Variants in ANKS1B observed in about 807,000 individuals in gnomAD.
The protein encoded by ANKS1B is ankyrin repeat and sterile alpha motif domain-containing protein 1B.
Under a neutral mutation model 148.3 loss-of-function variants are expected in ANKS1B, and 36 were observed. The ratio of observed to expected loss-of-function variants is 0.24; its 90% CI spans 0.19 to 0.32. ANKS1B has a LOEUF of 0.32. Ranked by LOEUF, ANKS1B falls within the 10% of genes least tolerant of loss-of-function variation. The pLI is 1.00. For synonymous variants in ANKS1B, 542 were observed against 560.8 expected (o/e 0.97, Z 0.47); for missense variants, 1,157 against 1,542.6 (o/e 0.75, Z 4.19).
chr12:99,923,020 G>A (rs920247906), intron 1 of ANKS1B, among the ~76,000 whole-genome samples: 1 of 152,070 alleles, frequency 6.6e-6, no homozygotes, highest in Admixed American at 6.6e-5. Context: ...CTAAGACAAT[G>A]TATTATAACA....
At chr12:99,387,605 A>T (rs1211944798) in intron 12 of ANKS1B, among the ~76,000 whole-genome samples, 1 of 146,612 alleles carries the variant, frequency 6.8e-6, no homozygotes, top group Admixed American at 6.7e-5. Flanking sequence ...CAAAAAAAAA[A>T]GAAGAAGAAG....
rs2096689875 is a variant in ANKS1B at position 99,504,762 on chromosome 12, T to G, written c.1273-121A>C. The G allele has an allele frequency of 2.0e-5, 14 of 684,156 alleles. No homozygotes were observed. In the East Asian group the frequency reaches 4.0e-4, roughly 20 times the overall value. 42.4% of individuals were successfully genotyped at this position (684,156 alleles called of 1,614,324 possible). ...TTCCAAAGTGATTGACAGCTGATGATTCATCTGTTTGAATAAATTATAGAA... is the reference window on the plus strand; with the variant it reads ...TTCCAAAGTGATTGACAGCTGATGAGTCATCTGTTTGAATAAATTATAGAA... On this transcript the variant is annotated intron_variant, in intron 9 of 26. Coordinates refer to ENST00000683438, the MANE Select transcript of ANKS1B (RefSeq NM_001352186.2).
At chr12:99,670,972 C>A (rs2098535251) in intron 8 of ANKS1B, among the ~76,000 whole-genome samples, 1 of 152,120 alleles carries the variant, frequency 6.6e-6, no homozygotes, top group South Asian at 2.1e-4. Flanking sequence ...AGTCAAGGCA[C>A]AATTTTCTAC....
intron 15 of ANKS1B, among the ~76,000 whole-genome samples, chr12:99,095,458 C>T (rs1255050753): frequency 6.6e-6 from 1 of 152,204 alleles, no homozygotes; most frequent in African/African-American, 2.4e-5. Flanking sequence ...CTAAACAGTT[C>T]AGAGAAGGTG....
At chr12:99,799,270 G>GC (rs1355581000) in intron 4 of ANKS1B, among the ~76,000 whole-genome samples, 1 of 151,972 alleles carries the variant, frequency 6.6e-6, no homozygotes, top group African/African-American at 2.4e-5. Flanking sequence ...TCTTTAATCA[G>GC]CCTCTTCTGT....
At chr12:99,186,322 A>G (rs2079850027) in intron 14 of ANKS1B, among the ~76,000 whole-genome samples, 1 of 152,202 alleles carries the variant, frequency 6.6e-6, no homozygotes, top group Admixed American at 6.5e-5. Flanking sequence ...TTCAGCAGAC[A>G]TAAATGTTCC....
chr12:99,093,100 G>A (rs900613930), intron 15 of ANKS1B, among the ~76,000 whole-genome samples: 26 of 152,110 alleles, frequency 1.7e-4, no homozygotes, highest in Non-Finnish European at 2.4e-4. Flanking sequence ...GATATGTAAC[G>A]TTACCAAGAA....
chr12:98,962,277 T>C (rs2099872704), intron 17 of ANKS1B, among the ~76,000 whole-genome samples: 1 of 151,404 alleles, frequency 6.6e-6, no homozygotes, highest in South Asian at 2.1e-4. Flanking sequence ...AGAGCAAGAA[T>C]AGCTATACAT....
intron 19 of ANKS1B, among the ~76,000 whole-genome samples, chr12:98,817,123 G>C (rs1415585814): frequency 1.3e-5 from 2 of 152,214 alleles, no homozygotes; most frequent in Non-Finnish European, 2.9e-5. Context: ...GTTTCAGAGT[G>C]AAAGCTCAAG....
At chr12:98,761,821 T>A (rs1429928789) in intron 25 of ANKS1B, among the ~76,000 whole-genome samples, 1 of 152,130 alleles carries the variant, frequency 6.6e-6, no homozygotes, top group African/African-American at 2.4e-5. Context: ...GAGTAAGGAA[T>A]CTGAGGAGGA....
At chr12:98,792,676 T>C (rs923417878) in intron 22 of ANKS1B, among the ~76,000 whole-genome samples, 7 of 152,242 alleles carry the variant, frequency 4.6e-5, no homozygotes, top group Non-Finnish European at 1.0e-4. Flanking sequence ...ACTTTTTAGA[T>C]TCCATGTATG....
At chr12:99,662,468 A>G (rs765296655) in intron 8 of ANKS1B, among the ~76,000 whole-genome samples, 3 of 152,190 alleles carry the variant, frequency 2.0e-5, no homozygotes, top group South Asian at 2.1e-4. Context: ...ATAACAGTTT[A>G]TCACATATGT....
rs552362917 is a variant in ANKS1B, at chr12:98,955,187, T to C, written c.2778+97970A>G. The stretch of plus-strand genomic sequence containing the variant: ...GACGATAAGTACTGCAGAAAAAGAT[T>C]AGAGAAGAGGGCTTGGAATTGGGGA... On this transcript the variant is annotated intron_variant, in intron 17 of 26. Coordinates refer to ENST00000683438, the MANE Select transcript of ANKS1B (RefSeq NM_001352186.2). 8.5e-5 allele frequency among the ~76,000 whole-genome samples: 13 copies of C among 152,260 alleles called. No individual in the cohort carries two copies. In the East Asian group the frequency reaches 2.3e-3, roughly 27 times the overall value.
At chr12:99,363,321 A>T (rs189111174) in intron 12 of ANKS1B, among the ~76,000 whole-genome samples, 12 of 152,260 alleles carry the variant, frequency 7.9e-5, no homozygotes, top group Non-Finnish European at 1.5e-4. Flanking sequence ...TTTCAATAAA[A>T]TGTATTTAGT....
At chr12:99,298,268 A>G (rs1412404109) in intron 12 of ANKS1B, among the ~76,000 whole-genome samples, 1 of 152,208 alleles carries the variant, frequency 6.6e-6, no homozygotes, top group African/African-American at 2.4e-5. Flanking sequence ...TTGAATTGTA[A>G]TAATCCCCAC....
At chr12:99,534,842 T>C (rs2097048196) in intron 9 of ANKS1B, among the ~76,000 whole-genome samples, 1 of 151,654 alleles carries the variant, frequency 6.6e-6, no homozygotes, top group Admixed American at 6.6e-5. Flanking sequence ...CCCGAGTAGC[T>C]GGGACTACAG....
chr12:99,497,427 G>A (rs2096614921), intron 10 of ANKS1B, among the ~76,000 whole-genome samples: 1 of 152,150 alleles, frequency 6.6e-6, no homozygotes, highest in South Asian at 2.1e-4. Flanking sequence ...GAAATGTATT[G>A]TGTCACAGCT....
intron 15 of ANKS1B, among the ~76,000 whole-genome samples, chr12:99,148,975 G>A (rs2074087118): frequency 1.3e-5 from 2 of 151,762 alleles, no homozygotes; most frequent in South Asian, 2.1e-4. Flanking sequence ...GAAGGTATAG[G>A]AAATTTGGCA....
chr12:98,895,274 C>G (rs2099762563), intron 17 of ANKS1B: 1 of 985,448 alleles, frequency 1.0e-6, no homozygotes, highest in South Asian at 4.7e-5. Context: ...GGGCGCCCCT[C>G]GCATCCTCGG....
Sources: allele counts gnomAD v4.1 joint callset (sites outside exome capture counted in the v4.1 genomes callset), GRCh38; gene constraint gnomAD v4.1.1; transcripts MANE v1.5; gene names NCBI Gene and HGNC (gene_info 2026-07-23, HGNC 2026-07-21).